Variants in PELI2 observed in about 807,000 individuals in gnomAD.
The protein encoded by PELI2 is pellino E3 ubiquitin protein ligase family member 2.
In PELI2, 23 loss-of-function variants were observed where a neutral mutation model predicts 42.3. The observed-to-expected ratio is 0.54, with a 90% CI of 0.39 to 0.77. The LOEUF (loss-of-function observed/expected upper bound fraction) is 0.77, where lower values mean the gene tolerates loss of function less well. Ranked by LOEUF, PELI2 falls within the 30% of genes least tolerant of loss-of-function variation. The probability of loss-of-function intolerance (pLI) is 0.00; values close to 1 mark genes in which losing one functional copy is unlikely to be tolerated. For synonymous variants in PELI2, 245 were observed against 212.2 expected (o/e 1.15, Z -1.34); for missense variants, 463 against 553.2 (o/e 0.84, Z 1.64).
At chr14:56,291,629 TA>T (rs1889834497) in intron 5 of PELI2, among the ~76,000 whole-genome samples, 1 of 152,256 alleles carries the variant, frequency 6.6e-6, no homozygotes, top group African/African-American at 2.4e-5. Flanking sequence ...GATCACTGGA[TA>T]GTTTTATACA....
chr14:56,235,486 C>T (rs1386135686), intron 2 of PELI2, among the ~76,000 whole-genome samples: 3 of 152,212 alleles, frequency 2.0e-5, no homozygotes, highest in Non-Finnish European at 4.4e-5. Context: ...CGGGTGGCAT[C>T]TTTCTTTGTT....
chr14:56,253,799 TCAAGCTACC>T (rs1393005690), intron 2 of PELI2, among the ~76,000 whole-genome samples: 8 of 152,002 alleles, frequency 5.3e-5, no homozygotes, highest in Non-Finnish European at 7.4e-5. Context: ...GCTATCCCCA[TCAAGCTACC>T]AGTGACTTTC....
intron 1 of PELI2, chr14:56,144,867 C>T (rs952062572): frequency 7.2e-6 from 4 of 556,048 alleles, no homozygotes; most frequent in East Asian, 1.5e-4. Context: ...GGGCCTTGTA[C>T]AGGAATAAAA....
At chr14:56,231,808 G>A (rs113080504) in intron 2 of PELI2, among the ~76,000 whole-genome samples, 61,245 of 151,878 alleles carry the variant, frequency 0.4, 13,053 homozygotes, top group South Asian at 0.53. Flanking sequence ...CAATAAATCA[G>A]TGAATCCAGG....
chr14:56,287,362 T>TA (rs922909446), intron 3 of PELI2, among the ~76,000 whole-genome samples: 7 of 152,228 alleles, frequency 4.6e-5, no homozygotes. Flanking sequence ...ATTTTCTTGT[T>TA]AAAAAATGTT....
intron 2 of PELI2, among the ~76,000 whole-genome samples, chr14:56,212,415 C>G (rs1480818132): frequency 6.6e-6 from 1 of 152,210 alleles, no homozygotes; most frequent in African/African-American, 2.4e-5. Flanking sequence ...CCTTAAGAAG[C>G]CCTGATGTCG....
intron 2 of PELI2, among the ~76,000 whole-genome samples, chr14:56,252,345 A>G (rs1054406026): frequency 1.3e-5 from 2 of 152,236 alleles, no homozygotes; most frequent in Non-Finnish European, 2.9e-5. Context: ...TCTTACTGGG[A>G]CACCTGTTGT....
intron 2 of PELI2, among the ~76,000 whole-genome samples, chr14:56,249,871 G>A (rs954631575): frequency 3.3e-5 from 5 of 152,174 alleles, no homozygotes; most frequent in African/African-American, 1.2e-4. Context: ...CATGCGTCAT[G>A]CGAATCTTGA....
intron 2 of PELI2, among the ~76,000 whole-genome samples, chr14:56,240,379 G>A (rs1331017155): frequency 6.6e-6 from 1 of 152,128 alleles, no homozygotes; most frequent in Non-Finnish European, 1.5e-5. Context: ...ATTGGATGTG[G>A]GGCTTAAGGA....
intron 2 of PELI2, among the ~76,000 whole-genome samples, chr14:56,266,273 CTT>C (rs1320381328): frequency 6.6e-6 from 1 of 151,912 alleles, no homozygotes; most frequent in East Asian, 1.9e-4. Context: ...ACTCTAGAAA[CTT>C]TTTAAAAAAT....
intron 1 of PELI2, among the ~76,000 whole-genome samples, chr14:56,153,789 C>A (rs1476075706): frequency 6.6e-6 from 1 of 152,130 alleles, no homozygotes; most frequent in Non-Finnish European, 1.5e-5. Flanking sequence ...TCCTGAAAAA[C>A]CGAGTTCTTT....
intron 1 of PELI2, among the ~76,000 whole-genome samples, chr14:56,147,411 A>G (rs1884168234): frequency 6.6e-6 from 1 of 152,168 alleles, no homozygotes; most frequent in African/African-American, 2.4e-5. Context: ...ATTTGCATTT[A>G]TGGGGAACAG....
At chr14:56,151,631 C>T (rs1884362869) in intron 1 of PELI2, among the ~76,000 whole-genome samples, 1 of 152,164 alleles carries the variant, frequency 6.6e-6, no homozygotes, top group Non-Finnish European at 1.5e-5. Context: ...CTGAGGTTCT[C>T]TTCTCTTAGA....
intron 1 of PELI2, among the ~76,000 whole-genome samples, chr14:56,160,916 C>G (rs1236644573): frequency 6.6e-6 from 1 of 152,184 alleles, no homozygotes; most frequent in African/African-American, 2.4e-5. Context: ...GAATCCCTCT[C>G]TCATGATCCT....
At chr14:56,228,964 C>T (rs1407897658) in intron 2 of PELI2, among the ~76,000 whole-genome samples, 2 of 152,238 alleles carry the variant, frequency 1.3e-5, no homozygotes, top group Non-Finnish European at 2.9e-5. Flanking sequence ...CCACACCTGG[C>T]TTGGGGGTCC....
At position 56,288,709 on chromosome 14, in the gene PELI2, A is replaced by AC. The variant is rs1038900772; in HGVS notation, c.507+75_507+76insC. 2 of 1,227,992 alleles carry AC rather than the reference A, an allele frequency of 1.6e-6. No homozygotes were observed. Among genetic ancestry groups the AC allele is most frequent in the African/African-American group, 3.0e-5 (2 of 66,146 alleles). The allele number at this position is 1,227,992 out of a possible 1,614,324, so 76.1% of individuals were successfully genotyped here. A position where few individuals can be genotyped will look rare whatever the true frequency, so the allele number is the denominator to read the frequency against. ...TGATATGGAACATTTAATTGGAGCAAAAAAAAATTGGCTTTGTATGTTGCC... is the reference window on the plus strand; with the variant it reads ...TGATATGGAACATTTAATTGGAGCAACAAAAAAATTGGCTTTGTATGTTGCC... On this transcript the variant is annotated intron_variant, in intron 4 of 5. Coordinates refer to ENST00000267460, the MANE Select transcript of PELI2 (RefSeq NM_021255.3). The surrounding 1 kb of genome is among the most constrained non-coding windows in gnomAD (Gnocchi z 4.6).
rs1216742326 is a variant in PELI2 at position 56,178,323 on chromosome 14, C to T, written c.78-12C>T. The T allele has an allele frequency of 6.2e-7, 1 of 1,613,536 alleles. No individual in the cohort carries two copies. The highest frequency in any genetic ancestry group is 1.7e-5 in the Admixed American group (1 of 59,976). On this transcript the variant is annotated splice_polypyrimidine_tract_variant and intron_variant, in intron 1 of 5. Coordinates refer to ENST00000267460, the MANE Select transcript of PELI2 (RefSeq NM_021255.3). ...TCTGCAGATAGATGAACTCTTTCCT[C>T]TCTGTTTCTAGGTACAATGGTGCTT...
At chr14:56,164,550 C>T (rs1022400078) in intron 1 of PELI2, among the ~76,000 whole-genome samples, 6 of 152,018 alleles carry the variant, frequency 3.9e-5, no homozygotes, top group South Asian at 4.1e-4. Flanking sequence ...AAATATTGGC[C>T]TCATAGAATA....
At chr14:56,156,796 A>G (rs1293906548) in intron 1 of PELI2, among the ~76,000 whole-genome samples, 5 of 152,206 alleles carry the variant, frequency 3.3e-5, no homozygotes, top group African/African-American at 1.2e-4. Context: ...TATGTTGGAC[A>G]ATACGGATCT....
Sources: gnomAD v4.1 joint callset for allele counts (sites outside exome capture counted in the v4.1 genomes callset) on GRCh38, gnomAD v4.1.1 for gene constraint, Gnocchi (gnomAD v3.1) non-coding constraint, MANE v1.5 for transcripts, NCBI Gene and HGNC (gene_info 2026-07-23, HGNC 2026-07-21) for gene names.